ADH6: variants seen among roughly 807,000 people sequenced by gnomAD.
ADH6 encodes alcohol dehydrogenase 6 (class V).
Under a neutral mutation model 36.5 loss-of-function variants are expected in ADH6, and 34 were observed. The ratio of observed to expected loss-of-function variants is 0.93; its 90% CI spans 0.71 to 1.24. ADH6 has a LOEUF of 1.24. ADH6 is among the 50% of genes most tolerant of loss of function. The pLI, the probability that ADH6 is intolerant of heterozygous loss-of-function variation, is 0.00. For synonymous variants in ADH6, 161 were observed against 155.5 expected, an observed-to-expected ratio of 1.04 and a Z score of -0.26; for missense variants, 440 against 447.0, an observed-to-expected ratio of 0.98 and a Z score of 0.14.
chr4:99,207,031 T>C (rs1731060949), intron 7 of ADH6, among the ~76,000 whole-genome samples: 1 of 152,100 alleles, frequency 6.6e-6, no homozygotes, highest in African/African-American at 2.4e-5. Flanking sequence ...GTTGGTAGCG[T>C]GACAACTCAT....
At chr4:99,217,644 A>G (rs537846736) in intron 1 of ADH6, among the ~76,000 whole-genome samples, 1 of 152,168 alleles carries the variant, frequency 6.6e-6, no homozygotes, top group South Asian at 2.1e-4. Context: ...CGTTGATTCT[A>G]TATCTTTGCT....
Position 99,210,100 on chromosome 4 carries a change from AG to A in ADH6, c.548del (p.Ala183ValfsTer8). ...CCCTCACCTTGGCAGTATTGATTGC[AG>A]CACCAAACCCAGTGGAAAAGCCACA... Reference protein sequence around the residue: ...ISCGFSTGFGAAINTAKVTPG... With the variant: ...ISCGFSTGFGXAINTAKVTPG... On this transcript the variant is annotated frameshift_variant, in exon 5 of 9. Coordinates refer to ENST00000394899, the MANE Select transcript of ADH6 (RefSeq NM_001102470.2). LOFTEE classifies it high-confidence loss of function. The A allele has an allele frequency of 6.2e-7, 1 of 1,613,682 alleles. No individual in the cohort carries two copies. Among genetic ancestry groups the A allele is most frequent in the Non-Finnish European group, 8.5e-7 (1 of 1,179,720 alleles).
At chr4:99,207,685 T>C (rs964654196) in intron 6 of ADH6, 104 bp from the exon 7 acceptor site, 2 of 1,204,908 alleles carry the variant, frequency 1.7e-6, no homozygotes, top group African/African-American at 3.1e-5. Flanking sequence ...TATGACTTTC[T>C]TTTCTGATTC....
chr4:99,210,548 T>A (rs775955601), intron 3 of ADH6, 46 bp from the exon 4 acceptor site: 1 of 1,441,874 alleles, frequency 6.9e-7, no homozygotes, highest in Non-Finnish European at 9.6e-7. Flanking sequence ...TTTTTTAAAG[T>A]AAAGACATAG....
intron 1 of ADH6, among the ~76,000 whole-genome samples, chr4:99,216,498 A>G (rs1731434345): frequency 6.6e-6 from 1 of 152,186 alleles, no homozygotes; most frequent in African/African-American, 2.4e-5. Context: ...TATTTACAAA[A>G]TGTAACATGA....
chr4:99,215,232 G>C (rs1731364235), intron 2 of ADH6, among the ~76,000 whole-genome samples: 1 of 152,184 alleles, frequency 6.6e-6, no homozygotes, highest in South Asian at 2.1e-4. Context: ...GATGGAGAAG[G>C]CTCTCTGAGA....
At chr4:99,217,461 C>T (rs1731489697) in intron 1 of ADH6, among the ~76,000 whole-genome samples, 1 of 152,192 alleles carries the variant, frequency 6.6e-6, no homozygotes, top group Non-Finnish European at 1.5e-5. Context: ...TGCGTAAGAA[C>T]ATGTGATATT....
At chr4:99,207,795 C>T (rs1731089155) in intron 6 of ADH6, among the ~76,000 whole-genome samples, 2 of 151,864 alleles carry the variant, frequency 1.3e-5, no homozygotes, top group Admixed American at 1.3e-4. Context: ...CACTTTAGGA[C>T]TCAATAAATG....
At position 99,202,652 on chromosome 4, in the gene ADH6, C is replaced by T. The variant is rs751833005; in HGVS notation, c.*1567G>A. ...AGACATTCAAAGTGGCTTAAGGAAC[C>T]GAGCTTTATTGGAGCAAAGAGTGTG... is the stretch of plus-strand genomic sequence containing the variant. On this transcript the variant is annotated 3_prime_UTR_variant, in exon 9 of 9. Coordinates refer to ENST00000394899, the MANE Select transcript of ADH6 (RefSeq NM_001102470.2). 4 of 397,368 alleles carry T rather than the reference C, an allele frequency of 1.0e-5. No individual in the cohort carries two copies. The highest frequency in any genetic ancestry group is 7.1e-5 in the East Asian group (2 of 28,074). 24.6% of individuals were successfully genotyped at this position (397,368 alleles called of 1,614,324 possible). A position where few individuals can be genotyped will look rare whatever the true frequency, so the allele number is the denominator to read the frequency against.
chr4:99,214,092 T>C (rs1731318908), intron 2 of ADH6, among the ~76,000 whole-genome samples: 1 of 152,026 alleles, frequency 6.6e-6, no homozygotes, highest in African/African-American at 2.4e-5. Flanking sequence ...AGAACGACTA[T>C]AAAAATAAAG....
rs1731553033 is a variant in ADH6, at chr4:99,219,128, C to T, written c.18+7G>A. The T allele has an allele frequency of 6.2e-7, 1 of 1,611,210 alleles. No individual in the cohort carries two copies. Among genetic ancestry groups the T allele is most frequent in the South Asian group, 1.1e-5 (1 of 91,006 alleles). ...TGACACAACATAAAGAATAAGACTG[C>T]ACCTACTTGGCCTGTAGTACTCATG... On this transcript the variant is annotated splice_region_variant and intron_variant, in intron 1 of 8. Coordinates refer to ENST00000394899, the MANE Select transcript of ADH6 (RefSeq NM_001102470.2).
chr4:99,209,072 C>A, intron 5 of ADH6, 144 bp from the exon 6 acceptor site: 1 of 895,956 alleles, frequency 1.1e-6, no homozygotes, highest in South Asian at 2.4e-5. Flanking sequence ...CATATTATAA[C>A]TACAAAGTTT....
At chr4:99,208,582 A>C in intron 6 of ADH6, 86 bp downstream of exon 6, 1 of 1,430,068 alleles carries the variant, frequency 7.0e-7, no homozygotes, top group Non-Finnish European at 9.5e-7. Context: ...AGCAAAGTGG[A>C]GGGAATTTTA....
intron 7 of ADH6, 46 bp downstream of exon 7, chr4:99,207,400 C>T (rs989638249): frequency 6.2e-7 from 1 of 1,608,466 alleles, no homozygotes; most frequent in Admixed American, 1.7e-5. Flanking sequence ...CTATTTCCCA[C>T]CTTCACCTCC....
chr4:99,217,062 G>T (rs983539053), intron 1 of ADH6, among the ~76,000 whole-genome samples: 1 of 152,048 alleles, frequency 6.6e-6, no homozygotes, highest in African/African-American at 2.4e-5. Flanking sequence ...TTGAGATGGA[G>T]TCTCACTCTG....
chr4:99,205,912 C>G (rs982930244), intron 7 of ADH6, among the ~76,000 whole-genome samples: 1 of 152,066 alleles, frequency 6.6e-6, no homozygotes, highest in African/African-American at 2.4e-5. Flanking sequence ...AACTTCTTCT[C>G]CAAACTACCA....
intron 1 of ADH6, among the ~76,000 whole-genome samples, chr4:99,218,794 G>A (rs918266463): frequency 1.3e-5 from 2 of 152,104 alleles, no homozygotes; most frequent in Non-Finnish European, 2.9e-5. Flanking sequence ...TTTTCCTTGA[G>A]GCTCCCATTC....
Position 99,207,505 on chromosome 4 carries a change from A to T in ADH6, c.905T>A (p.Leu302His), listed in dbSNP as rs1731076369. The T allele has an allele frequency of 1.9e-6, 3 of 1,613,624 alleles. No homozygotes were observed. Among genetic ancestry groups the T allele is most frequent in the Non-Finnish European group, 2.5e-6 (3 of 1,179,720 alleles). ...GAAGAACAACTGGCCACTGATTTTGAGTTGAACACTGGCAGGCAACACCCC... is the reference window on the plus strand; with the variant it reads ...GAAGAACAACTGGCCACTGATTTTGTGTTGAACACTGGCAGGCAACACCCC... ...VVGVLPASVQ[L>H]KISGQLFFSG... The change falls in exon 7 of 9, where the codon CTC becomes CAC. Residue 302 changes from leucine to histidine, a missense_variant. Coordinates refer to ENST00000394899, the MANE Select transcript of ADH6 (RefSeq NM_001102470.2).
chr4:99,215,207 C>G (rs1039389934), intron 2 of ADH6, among the ~76,000 whole-genome samples: 2 of 152,144 alleles, frequency 1.3e-5, no homozygotes, highest in Non-Finnish European at 2.9e-5. Context: ...ACTGCTTACT[C>G]CATAGGGGAT....
Sources: allele counts gnomAD v4.1 joint callset (sites outside exome capture counted in the v4.1 genomes callset), GRCh38; gene constraint gnomAD v4.1.1; transcripts MANE v1.5; gene names NCBI Gene and HGNC (gene_info 2026-07-23, HGNC 2026-07-21).